ADCY8: variants seen among roughly 807,000 people sequenced by gnomAD.
The protein encoded by ADCY8 is adenylate cyclase 8, also known as adenylate cyclase type 8.
Under a neutral mutation model 119.7 loss-of-function variants are expected in ADCY8, and 51 were observed. The ratio of observed to expected loss-of-function variants is 0.43; its 90% CI spans 0.34 to 0.54. ADCY8 has a LOEUF of 0.54. Among genes scored for constraint, ADCY8 ranks in the 20% least tolerant of loss-of-function variants. The pLI, the probability that ADCY8 is intolerant of heterozygous loss-of-function variation, is 0.03. For synonymous variants in ADCY8, 665 were observed against 651.0 expected (o/e 1.02, Z -0.33); for missense variants, 1,383 against 1,598.8 (o/e 0.87, Z 2.30).
chr8:130,908,677 A>C lies in ADCY8; in HGVS notation c.1640+1031T>G, dbSNP rs199639450. Among the ~76,000 whole-genome samples, 14 of 152,298 alleles carry C rather than the reference A, an allele frequency of 9.2e-5. No individual in the cohort carries two copies. The East Asian group carries it at 2.7e-3, about 29-fold the overall frequency. ...TATTATCTCTCTTCCTGCAGTGAAGAAAGTTGGACTCAGAAGTTAAGCACT... is the reference window on the plus strand; with the variant it reads ...TATTATCTCTCTTCCTGCAGTGAAGCAAGTTGGACTCAGAAGTTAAGCACT... On this transcript the variant is annotated intron_variant, in intron 6 of 17. Transcript: ENST00000286355.
chr8:130,950,357 G>A (rs1286967538), intron 3 of ADCY8, among the ~76,000 whole-genome samples: 1 of 152,254 alleles, frequency 6.6e-6, no homozygotes, highest in African/African-American at 2.4e-5. Context: ...AGCAGCAGGA[G>A]CAGGAAGTCA....
Position 130,995,671 on chromosome 8 carries a change from C to G in ADCY8, c.961-5129G>C, listed in dbSNP as rs565614164. 1.3e-4 allele frequency among the ~76,000 whole-genome samples: 20 copies of G among 152,242 alleles called. No homozygotes were observed. The South Asian group carries it at 3.9e-3, about 30-fold the overall frequency. On this transcript the variant is annotated intron_variant, in intron 1 of 17. Coordinates refer to ENST00000286355, the MANE Select transcript of ADCY8 (RefSeq NM_001115.3). ...TCTTCGAACACTACTCTCCATACTT[C>G]TTGCCTTGCTGATTCTTCTTATCCT...
intron 4 of ADCY8, 67 bp from the exon 5 acceptor site, chr8:130,937,267 G>A (rs1820816646): frequency 6.5e-7 from 1 of 1,534,660 alleles, no homozygotes; most frequent in Non-Finnish European, 8.8e-7. Context: ...AGAAAGGCTT[G>A]AGAAAGAGGC....
At chr8:131,021,798 A>G (rs1475224515) in intron 1 of ADCY8, among the ~76,000 whole-genome samples, 1 of 152,152 alleles carries the variant, frequency 6.6e-6, no homozygotes, top group African/African-American at 2.4e-5. Flanking sequence ...CTCCCCAGCG[A>G]TGCTGAACTG....
At chr8:130,906,864 C>A (rs746436039) in intron 6 of ADCY8, among the ~76,000 whole-genome samples, 1 of 151,288 alleles carries the variant, frequency 6.6e-6, no homozygotes, top group Non-Finnish European at 1.5e-5. Flanking sequence ...ATATAATTTC[C>A]GTTCTTTCAA....
intron 15 of ADCY8, among the ~76,000 whole-genome samples, chr8:130,787,832 A>T (rs192701673): frequency 1.5e-4 from 22 of 150,738 alleles, no homozygotes; most frequent in Non-Finnish European, 2.9e-4. Flanking sequence ...GTGCATCCAC[A>T]TGTGTGCATT....
At chr8:130,924,577 G>A (rs1244395561) in intron 5 of ADCY8, among the ~76,000 whole-genome samples, 2 of 152,262 alleles carry the variant, frequency 1.3e-5, no homozygotes, top group Middle Eastern at 3.4e-3. Flanking sequence ...CTTATTTGCT[G>A]TCTCTAGGTC....
intron 1 of ADCY8, among the ~76,000 whole-genome samples, chr8:131,006,459 G>A (rs1337054611): frequency 1.3e-5 from 2 of 152,062 alleles, no homozygotes; most frequent in African/African-American, 2.4e-5. Flanking sequence ...TGGGCAGTGG[G>A]GCTTTTTCAA....
At chr8:130,928,129 A>C (rs925406220) in intron 5 of ADCY8, among the ~76,000 whole-genome samples, 20 of 152,108 alleles carry the variant, frequency 1.3e-4, no homozygotes, top group African/African-American at 4.8e-4. Flanking sequence ...TGCCGAAGAG[A>C]ATACAGTGGT....
chr8:130,952,203 C>A (rs947428095), intron 2 of ADCY8, among the ~76,000 whole-genome samples: 1 of 152,084 alleles, frequency 6.6e-6, no homozygotes, highest in African/African-American at 2.4e-5. Context: ...AGTGGTGAAC[C>A]AAATGGATGT....
chr8:130,845,033 T>C (rs1206368362), intron 11 of ADCY8, among the ~76,000 whole-genome samples: 2 of 152,244 alleles, frequency 1.3e-5, no homozygotes, highest in African/African-American at 2.4e-5. Flanking sequence ...AGATACATTG[T>C]GCCAGGTGTG....
At chr8:130,824,152 C>T (rs966770939) in intron 12 of ADCY8, among the ~76,000 whole-genome samples, 1 of 152,218 alleles carries the variant, frequency 6.6e-6, no homozygotes, top group African/African-American at 2.4e-5. Context: ...CATTTGACCC[C>T]GAATTTTTAG....
At chr8:130,820,757 C>A (rs1304566512) in intron 13 of ADCY8, among the ~76,000 whole-genome samples, 1 of 152,170 alleles carries the variant, frequency 6.6e-6, no homozygotes, top group Non-Finnish European at 1.5e-5. Flanking sequence ...ATCCATATGG[C>A]AGGCATTTTA....
In ADCY8 at chr8:130,994,479, G is replaced by T. The variant is rs116636184; in HGVS notation, c.961-3937C>A. 4.7e-3 allele frequency among the ~76,000 whole-genome samples: 713 copies of T among 152,230 alleles called. 6 individuals are homozygous for T. Among genetic ancestry groups the T allele is most frequent in the African/African-American group, 0.017 (692 of 41,520 alleles). On this transcript the variant is annotated intron_variant, in intron 1 of 17. Transcript: ENST00000286355. ...TGTAACTGATATCTTATCCTTTTTA[G>T]TATCTCAAGTTGAATCCTATTTAGA... is the stretch of plus-strand genomic sequence containing the variant.
chr8:130,934,207 T>A (rs191660893), intron 5 of ADCY8, among the ~76,000 whole-genome samples: 1 of 152,322 alleles, frequency 6.6e-6, no homozygotes, highest in Non-Finnish European at 1.5e-5. Context: ...TGCATTGCTA[T>A]AAAGAACTAC....
At chr8:130,976,441 A>G (rs1822074957) in intron 2 of ADCY8, among the ~76,000 whole-genome samples, 1 of 152,190 alleles carries the variant, frequency 6.6e-6, no homozygotes, top group Non-Finnish European at 1.5e-5. Context: ...ATTATTGCCT[A>G]TTTCAAGTAT....
rs548179463 is a variant in ADCY8 at position 130,990,252 on chromosome 8, T to C, written c.1110+141A>G. On this transcript the variant is annotated intron_variant, in intron 2 of 17. Coordinates refer to ENST00000286355, the MANE Select transcript of ADCY8 (RefSeq NM_001115.3). Reference sequence around the variant, plus strand: ...TTGACCTGTAAGTCTAACACAACTATTTCAGACTCTGGAATCCTGTGACAT... The same window carrying C: ...TTGACCTGTAAGTCTAACACAACTACTTCAGACTCTGGAATCCTGTGACAT... 10 of 1,123,710 alleles carry C rather than the reference T, an allele frequency of 8.9e-6. No homozygotes were observed. In the African/African-American group the frequency reaches 1.6e-4, roughly 18 times the overall value. 69.6% of individuals were successfully genotyped at this position (1,123,710 alleles called of 1,614,324 possible).
intron 6 of ADCY8, among the ~76,000 whole-genome samples, chr8:130,909,242 C>T (rs559338087): frequency 7.2e-5 from 11 of 152,140 alleles, no homozygotes; most frequent in Admixed American, 1.3e-4. Flanking sequence ...ACCTTGACAG[C>T]CAAATTTGAA....
intron 6 of ADCY8, among the ~76,000 whole-genome samples, chr8:130,906,678 T>C (rs1226761038): frequency 6.6e-6 from 1 of 152,130 alleles, no homozygotes; most frequent in Admixed American, 6.6e-5. Flanking sequence ...TTTTCAGGCA[T>C]TTCTTTCTAA....
Sources: allele counts gnomAD v4.1 joint callset (sites outside exome capture counted in the v4.1 genomes callset), GRCh38; gene constraint gnomAD v4.1.1; transcripts MANE v1.5; gene names NCBI Gene and HGNC (gene_info 2026-07-23, HGNC 2026-07-21).